Variants in MBD3 observed in about 807,000 individuals in gnomAD.
MBD3 encodes methyl-CpG-binding domain protein 3.
In MBD3, 13 loss-of-function variants were observed where a neutral mutation model predicts 31.2. The ratio of observed to expected loss-of-function variants is 0.42; its 90% CI spans 0.27 to 0.66. MBD3 has a LOEUF of 0.66. Among genes scored for constraint, MBD3 ranks in the 30% least tolerant of loss-of-function variants. The probability of loss-of-function intolerance (pLI) is 0.26; values close to 1 mark genes in which losing one functional copy is unlikely to be tolerated. For synonymous variants in MBD3, 223 were observed against 187.4 expected (o/e 1.19, Z -1.55); for missense variants, 440 against 426.5 (o/e 1.03, Z -0.28).
At chr19:1,591,346 G>C (rs1460494590) in intron 1 of MBD3, among the ~76,000 whole-genome samples, 1 of 152,186 alleles carries the variant, frequency 6.6e-6, no homozygotes, top group Non-Finnish European at 1.5e-5. Context: ...CCCACACATT[G>C]CTTCTGATCA....
Position 1,582,651 on chromosome 19 carries a change from T to C in MBD3, c.470A>G (p.Lys157Arg). 1.9e-6 allele frequency: 3 copies of C among 1,614,024 alleles called. No individual in the cohort carries two copies. Among genetic ancestry groups the C allele is most frequent in the South Asian group, 2.2e-5 (2 of 91,070 alleles). Residue 157 changes from lysine (K) to arginine (R), a missense_variant, in exon 4 of 7, where the codon AAG (lysine) becomes AGG (arginine). Lys to Arg is a conservative substitution (Grantham distance 26). Around this residue, in one of 3 missense-constraint regions of MBD3, gnomAD observed 144 missense variants for 196.9 expected, o/e 0.73. Coordinates refer to ENST00000434436, the MANE Select transcript of MBD3 (RefSeq NM_001281453.2). ...CAGGCCCTTGGGGAGGTCCATGGTC[T>C]TGACCAGCTCCTCAGCAATGTCGAA... is the stretch of plus-strand genomic sequence containing the variant. The part of the protein sequence containing the change: ...NAFDIAEELV[K>R]TMDLPKGLQG...
At chr19:1,584,732 C>G in intron 2 of MBD3, 55 bp from the exon 3 acceptor site, 2 of 1,575,510 alleles carry the variant, frequency 1.3e-6, no homozygotes, top group Non-Finnish European at 1.7e-6. Flanking sequence ...GGCGCGGAGC[C>G]TCAGGGGGTG....
chr19:1,578,049 CT>C lies in MBD3; in HGVS notation c.*114del, dbSNP rs1917248951. 1.8e-6 allele frequency: 1 copy of C among 544,406 alleles called. No homozygotes were observed. Among genetic ancestry groups the C allele is most frequent in the Non-Finnish European group, 3.3e-6 (1 of 301,990 alleles). 33.7% of individuals were successfully genotyped at this position (544,406 alleles called of 1,614,324 possible). ...GGAGGGAGCCAGGAGCACGGCCTTC[CT>C]CCTGGGTGTCTCCAAGGCTGGGCTT... is the stretch of plus-strand genomic sequence containing the variant. On this transcript the variant is annotated 3_prime_UTR_variant, in exon 7 of 7. Transcript: ENST00000434436. The surrounding 1 kb of genome is among the most constrained non-coding windows in gnomAD (Gnocchi z 6.1).
chr19:1,575,189 G>A lies in MBD3; in HGVS notation c.*2975C>T, dbSNP rs754615417. On this transcript the variant is annotated 3_prime_UTR_variant, in exon 7 of 7. Coordinates refer to ENST00000434436, the MANE Select transcript of MBD3 (RefSeq NM_001281453.2). ...TCACACCTGTAATCCCGGCAATTTG[G>A]GAAGCTGGGGCGGGCGGATCACCTG... is the stretch of plus-strand genomic sequence containing the variant. The A allele has an allele frequency of 2.3e-6, 1 of 436,038 alleles. No individual in the cohort carries two copies. 27.0% of individuals were successfully genotyped at this position (436,038 alleles called of 1,614,324 possible). A position where few individuals can be genotyped will look rare whatever the true frequency, so the allele number is the denominator to read the frequency against.
chr19:1,579,092 G>C (rs1169701590), intron 5 of MBD3, among the ~76,000 whole-genome samples: 1 of 147,368 alleles, frequency 6.8e-6, no homozygotes, highest in African/African-American at 2.5e-5. Flanking sequence ...GCTGAGGCAG[G>C]AGAATCACTT....
Position 1,578,330 on chromosome 19 carries a change from A to G in MBD3, c.*5+5T>C. The G allele has an allele frequency of 6.2e-7, 1 of 1,602,076 alleles. No homozygotes were observed. Among genetic ancestry groups the G allele is most frequent in the Non-Finnish European group, 8.5e-7 (1 of 1,179,712 alleles). ...CTCCAGGGAGCCCCCGTGGCCCCGC[A>G]GCACCTGCCCTAGACGTGCTCCATC... On this transcript the variant is annotated splice_donor_5th_base_variant and intron_variant, in intron 6 of 6. Transcript: ENST00000434436. This position sits in a 1 kb window ranked among gnomAD's most constrained non-coding sequence, Gnocchi z 6.1.
intron 4 of MBD3, chr19:1,581,643 G>T: frequency 2.8e-6 from 1 of 357,524 alleles, no homozygotes; most frequent in Admixed American, 4.0e-5. Context: ...TACTCAGGAG[G>T]CTGTGCTGAG....
rs901847639 is a variant in MBD3, at chr19:1,578,674, C to T, written c.678-136G>A. The T allele has an allele frequency of 1.2e-5, 19 of 1,536,620 alleles. No homozygotes were observed. The highest frequency in any genetic ancestry group is 5.6e-5 in the South Asian group (5 of 88,914). ...CACCCCCCCAGGACCAGCCCTGGCCCGTGCCACCCCTCCCTTCACAATCCA... is the reference window on the plus strand; with the variant it reads ...CACCCCCCCAGGACCAGCCCTGGCCTGTGCCACCCCTCCCTTCACAATCCA... On this transcript the variant is annotated intron_variant, in intron 5 of 6. Coordinates refer to ENST00000434436, the MANE Select transcript of MBD3 (RefSeq NM_001281453.2). The surrounding 1 kb of genome is among the most constrained non-coding windows in gnomAD (Gnocchi z 6.1).
chr19:1,590,118 C>A (rs1047840366), intron 1 of MBD3, among the ~76,000 whole-genome samples: 3 of 149,156 alleles, frequency 2.0e-5, no homozygotes, highest in Admixed American at 6.7e-5. Flanking sequence ...GCCAACATGG[C>A]GAAACCCCTT....
chr19:1,585,351 C>A lies in MBD3; in HGVS notation c.111-137G>T. 1 of 972,264 alleles carries A rather than the reference C, an allele frequency of 1.0e-6. No homozygotes were observed. The highest frequency in any genetic ancestry group is 2.7e-5 in the East Asian group (1 of 37,630). 60.2% of individuals were successfully genotyped at this position (972,264 alleles called of 1,614,324 possible). ...CCCCAGACCCCAACACGGCCCTGAC[C>A]CCAAACCCAGGCAGGCCCTGGCCCC... On this transcript the variant is annotated intron_variant, in intron 1 of 6. Coordinates refer to ENST00000434436, the MANE Select transcript of MBD3 (RefSeq NM_001281453.2). The surrounding 1 kb of genome is among the most constrained non-coding windows in gnomAD (Gnocchi z 4.1).
chr19:1,589,150 G>C (rs1464427796), intron 1 of MBD3, among the ~76,000 whole-genome samples: 5 of 151,840 alleles, frequency 3.3e-5, no homozygotes, highest in Non-Finnish European at 7.4e-5. Flanking sequence ...TGACCAACAT[G>C]GTGAAACCCC....
intron 1 of MBD3, among the ~76,000 whole-genome samples, chr19:1,591,712 A>G (rs1448536589): frequency 2.0e-5 from 3 of 151,226 alleles, no homozygotes; most frequent in East Asian, 1.9e-4. Context: ...AAAAAAAAAA[A>G]GAGGACAAAC....
At chr19:1,581,516 G>A (rs1424821369) in intron 4 of MBD3, 9 of 570,260 alleles carry the variant, frequency 1.6e-5, no homozygotes, top group Non-Finnish European at 2.5e-5. Context: ...GGCGAGGTGG[G>A]AGGACTGATT....
At chr19:1,588,014 A>G (rs1357893964) in intron 1 of MBD3, among the ~76,000 whole-genome samples, 1 of 152,216 alleles carries the variant, frequency 6.6e-6, no homozygotes, top group Admixed American at 6.5e-5. Context: ...AGGAAACTCA[A>G]TTCTGCAGGC....
intron 5 of MBD3, 118 bp downstream of exon 5, chr19:1,580,974 T>C: frequency 7.5e-7 from 1 of 1,338,218 alleles, no homozygotes; most frequent in South Asian, 1.2e-5. Context: ...TGTTTCTGTT[T>C]CAAAACCCCA....
chr19:1,584,963 C>G, intron 2 of MBD3, 92 bp downstream of exon 2: 1 of 1,541,806 alleles, frequency 6.5e-7, no homozygotes. Flanking sequence ...GCGCTCAGGA[C>G]GCCGGGCTGT....
chr19:1,592,509 C>G lies in MBD3; in HGVS notation c.110+13G>C. ...GCCCGTTGAGGCCCTGCGCGGCCGG[C>G]GCGCTCATTCACCTATAGTAAAAGA... On this transcript the variant is annotated intron_variant, in intron 1 of 6. Coordinates refer to ENST00000434436, the MANE Select transcript of MBD3 (RefSeq NM_001281453.2). 1 of 1,372,854 alleles carries G rather than the reference C, an allele frequency of 7.3e-7. No homozygotes were observed. Among genetic ancestry groups the G allele is most frequent in the Non-Finnish European group, 9.7e-7 (1 of 1,031,052 alleles). 85.0% of individuals were successfully genotyped at this position (1,372,854 alleles called of 1,614,324 possible).
chr19:1,582,542 G>A (rs1335199540), intron 4 of MBD3, 80 bp downstream of exon 4: 20 of 1,341,284 alleles, frequency 1.5e-5, no homozygotes, highest in Non-Finnish European at 1.9e-5. Flanking sequence ...CATCCACCCT[G>A]CCAGGAGATG....
rs760451373 is a variant in MBD3 at position 1,577,318 on chromosome 19, T to A, written c.*846A>T. 1.2e-4 allele frequency: 19 copies of A among 152,218 alleles called. No individual in the cohort carries two copies. The highest frequency in any genetic ancestry group is 2.5e-4 in the Non-Finnish European group (17 of 68,048). 9.4% of individuals were successfully genotyped at this position (152,218 alleles called of 1,614,324 possible). A position where few individuals can be genotyped will look rare whatever the true frequency, so the allele number is the denominator to read the frequency against. On this transcript the variant is annotated 3_prime_UTR_variant, in exon 7 of 7. Coordinates refer to ENST00000434436, the MANE Select transcript of MBD3 (RefSeq NM_001281453.2). Reference sequence around the variant, plus strand: ...GAAGCTCCCTGGAGAGCTGGGCACCTCGAGGAGCGTCTGGGAGCCTCACCC... The same window carrying A: ...GAAGCTCCCTGGAGAGCTGGGCACCACGAGGAGCGTCTGGGAGCCTCACCC...
Sources: gnomAD v4.1 joint callset for allele counts (sites outside exome capture counted in the v4.1 genomes callset) on GRCh38, gnomAD v4.1.1 for gene constraint, gnomAD v4.1.1 regional missense constraint, Gnocchi (gnomAD v3.1) non-coding constraint, MANE v1.5 for transcripts, NCBI Gene and HGNC (gene_info 2026-07-23, HGNC 2026-07-21) for gene names.